The following FRMD4B variants were observed in gnomAD, a reference collection of about 807,000 sequenced individuals.
FRMD4B encodes FERM domain-containing protein 4B.
Under a neutral mutation model 141.5 loss-of-function variants are expected in FRMD4B, and 74 were observed. The ratio of observed to expected loss-of-function variants is 0.52; its 90% CI spans 0.43 to 0.63. FRMD4B has a LOEUF of 0.63. Ranked by LOEUF, FRMD4B falls within the 30% of genes least tolerant of loss-of-function variation. FRMD4B has a pLI of 0.00. For synonymous variants in FRMD4B, 506 were observed against 467.9 expected, an observed-to-expected ratio of 1.08 and a Z score of -1.05; for missense variants, 1,366 against 1,253.4, an observed-to-expected ratio of 1.09 and a Z score of -1.36.
chr3:69,289,567 G>C (rs564281218), intron 4 of FRMD4B, among the ~76,000 whole-genome samples: 2 of 152,232 alleles, frequency 1.3e-5, no homozygotes, highest in Non-Finnish European at 2.9e-5. Flanking sequence ...AGGCCGAGGC[G>C]GGCAGATCAC....
At position 69,239,291 on chromosome 3, in the gene FRMD4B, G is replaced by A. The variant is rs980722403; in HGVS notation, c.581+9935C>T. On this transcript the variant is annotated intron_variant, in intron 7 of 22. Coordinates refer to ENST00000398540, the MANE Select transcript of FRMD4B (RefSeq NM_015123.3). ...GAAACCTGCTTGTGTTCTGGGAAGT[G>A]CAGTGTCCTCTCAGCTAGAATTCCT... Among the ~76,000 whole-genome samples the A allele has an allele frequency of 2.0e-5, 3 of 152,352 alleles. No individual in the cohort carries two copies. The East Asian group carries it at 5.8e-4, about 29-fold the overall frequency.
intron 1 of FRMD4B, among the ~76,000 whole-genome samples, chr3:69,512,141 C>A (rs373565224): frequency 6.6e-6 from 1 of 152,056 alleles, no homozygotes; most frequent in Admixed American, 6.6e-5. Flanking sequence ...TAAGCAAGGA[C>A]CAGATAAAAA....
At chr3:69,535,330 T>C (rs2107166704) in intron 1 of FRMD4B, among the ~76,000 whole-genome samples, 1 of 152,356 alleles carries the variant, frequency 6.6e-6, no homozygotes, top group East Asian at 1.9e-4. Context: ...CCAGTTTCCT[T>C]GGCTGTACAG....
chr3:69,523,385 G>C (rs1267788050), intron 1 of FRMD4B, among the ~76,000 whole-genome samples: 1 of 152,158 alleles, frequency 6.6e-6, no homozygotes, highest in Non-Finnish European at 1.5e-5. Context: ...GGTGGGGAAG[G>C]CTGGTGGTAG....
At chr3:69,404,624 A>T (rs1704620897) in intron 2 of FRMD4B, among the ~76,000 whole-genome samples, 1 of 152,212 alleles carries the variant, frequency 6.6e-6, no homozygotes, top group Non-Finnish European at 1.5e-5. Context: ...ACTCTGAAGT[A>T]TCCAGAGGTC....
At chr3:69,383,961 T>A (rs951056424) in intron 1 of FRMD4B, among the ~76,000 whole-genome samples, 99 of 152,100 alleles carry the variant, frequency 6.5e-4, no homozygotes, top group African/African-American at 2.1e-3. Context: ...GGACTTATTT[T>A]TTTTTTATTT....
At chr3:69,536,433 G>A (rs534726187) in intron 1 of FRMD4B, 5 of 708,644 alleles carry the variant, frequency 7.1e-6, no homozygotes, top group African/African-American at 5.2e-5. Context: ...AGCGGAGGAC[G>A]TCCACCGTTG....
At chr3:69,201,941 T>G (rs1045876542) in intron 11 of FRMD4B, among the ~76,000 whole-genome samples, 1 of 152,138 alleles carries the variant, frequency 6.6e-6, no homozygotes, top group East Asian at 1.9e-4. Flanking sequence ...CAGTGGCTCA[T>G]GCCTGCAATC....
chr3:69,216,206 G>T, intron 11 of FRMD4B, 57 bp downstream of exon 11: 1 of 926,544 alleles, frequency 1.1e-6, no homozygotes, highest in Non-Finnish European at 1.7e-6. Flanking sequence ...TTTCAACTAT[G>T]TTGTGATTAA....
rs187592836 is a variant in FRMD4B at position 69,349,145 on chromosome 3, G to A, written c.163-35628C>T. ...CAAAGTCTCAGGATACAAAATCAATGTGCTAAAATCACAAGCATTTTTATA... is the reference window on the plus strand; with the variant it reads ...CAAAGTCTCAGGATACAAAATCAATATGCTAAAATCACAAGCATTTTTATA... On this transcript the variant is annotated intron_variant, in intron 1 of 22. Coordinates refer to ENST00000398540, the MANE Select transcript of FRMD4B (RefSeq NM_015123.3). 1.2e-3 allele frequency among the ~76,000 whole-genome samples: 185 copies of A among 152,308 alleles called. 1 individual carries two copies. The highest frequency in any genetic ancestry group is 6.0e-3 in the South Asian group (29 of 4,828).
At chr3:69,281,938 A>T (rs1283734905) in intron 5 of FRMD4B, among the ~76,000 whole-genome samples, 1 of 152,008 alleles carries the variant, frequency 6.6e-6, no homozygotes, top group Admixed American at 6.6e-5. Flanking sequence ...GAAACGAGGC[A>T]CAATTGTTTC....
intron 21 of FRMD4B, 88 bp from the exon 22 acceptor site, chr3:69,176,744 G>T: frequency 1.2e-6 from 1 of 831,452 alleles, no homozygotes; most frequent in South Asian, 1.6e-5. Flanking sequence ...ATTGCAATCA[G>T]CTTTGTCAGA....
chr3:69,441,867 G>T (rs1705348719), intron 1 of FRMD4B, among the ~76,000 whole-genome samples: 1 of 152,144 alleles, frequency 6.6e-6, no homozygotes, highest in South Asian at 2.1e-4. Context: ...TAGTTTAACT[G>T]CAGAAATACT....
intron 9 of FRMD4B, 104 bp from the exon 10 acceptor site, chr3:69,218,483 A>G: frequency 1.7e-6 from 1 of 593,312 alleles, no homozygotes; most frequent in Non-Finnish European, 3.0e-6. Flanking sequence ...CCTTATTATA[A>G]GAATAATTAA....
At chr3:69,262,739 C>T (rs547423645) in intron 5 of FRMD4B, among the ~76,000 whole-genome samples, 5 of 151,406 alleles carry the variant, frequency 3.3e-5, no homozygotes, top group African/African-American at 7.2e-5. Flanking sequence ...GGATTACAGG[C>T]GTGAGCCACC....
chr3:69,219,616 T>C (rs940619802), intron 9 of FRMD4B, among the ~76,000 whole-genome samples: 13 of 152,130 alleles, frequency 8.5e-5, no homozygotes, highest in African/African-American at 2.9e-4. Flanking sequence ...GTACTTTTTT[T>C]TTTTTAATTG....
At chr3:69,314,313 A>G (rs1701731495) in intron 1 of FRMD4B, among the ~76,000 whole-genome samples, 1 of 149,722 alleles carries the variant, frequency 6.7e-6, no homozygotes, top group Admixed American at 6.7e-5. Context: ...AGATCACTTG[A>G]GGCCAGGAGT....
At chr3:69,337,594 T>C (rs904312718) in intron 1 of FRMD4B, among the ~76,000 whole-genome samples, 1 of 151,928 alleles carries the variant, frequency 6.6e-6, no homozygotes, top group Non-Finnish European at 1.5e-5. Context: ...TACAATGAAC[T>C]CCAACAAATT....
At chr3:69,251,045 T>C (rs2093461340) in intron 5 of FRMD4B, among the ~76,000 whole-genome samples, 1 of 152,222 alleles carries the variant, frequency 6.6e-6, no homozygotes, top group Non-Finnish European at 1.5e-5. Context: ...CGATGATACA[T>C]GAAATATTAT....
Sources: allele counts gnomAD v4.1 joint callset (sites outside exome capture counted in the v4.1 genomes callset), GRCh38; gene constraint gnomAD v4.1.1; transcripts MANE v1.5; gene names NCBI Gene and HGNC (gene_info 2026-07-23, HGNC 2026-07-21).